SMYD3: variants seen among roughly 807,000 people sequenced by gnomAD.
SMYD3 encodes the protein SET and MYND domain containing 3, also known as histone-lysine N-methyltransferase SMYD3.
In SMYD3, 36 loss-of-function variants were observed where a neutral mutation model predicts 57.7. The observed-to-expected ratio is 0.62, with a 90% CI of 0.48 to 0.82. The LOEUF (loss-of-function observed/expected upper bound fraction) is 0.82, where lower values mean the gene tolerates loss of function less well. Ranked by LOEUF, SMYD3 falls within the 40% of genes least tolerant of loss-of-function variation. The pLI is 0.00. For synonymous variants in SMYD3, 211 were observed against 195.0 expected, an observed-to-expected ratio of 1.08 and a Z score of -0.68; for missense variants, 515 against 538.8, an observed-to-expected ratio of 0.96 and a Z score of 0.44.
At chr1:246,188,649 A>G (rs1387356902) in intron 5 of SMYD3, among the ~76,000 whole-genome samples, 1 of 151,838 alleles carries the variant, frequency 6.6e-6, no homozygotes, top group African/African-American at 2.4e-5. Flanking sequence ...TTATAGGCCT[A>G]CCCATAATAT....
intron 5 of SMYD3, among the ~76,000 whole-genome samples, chr1:246,134,034 A>G (rs1292157879): frequency 1.3e-5 from 2 of 152,144 alleles, no homozygotes; most frequent in Non-Finnish European, 2.9e-5. Context: ...TGCACAGGCT[A>G]AAGACAGCCC....
At chr1:246,345,143 T>C (rs2065692308) in intron 2 of SMYD3, among the ~76,000 whole-genome samples, 1 of 152,202 alleles carries the variant, frequency 6.6e-6, no homozygotes, top group Non-Finnish European at 1.5e-5. Flanking sequence ...ATAGGAAATT[T>C]TATGTACCCC....
At chr1:245,808,818 A>C (rs1357171568) in intron 10 of SMYD3, among the ~76,000 whole-genome samples, 1 of 152,028 alleles carries the variant, frequency 6.6e-6, no homozygotes, top group Non-Finnish European at 1.5e-5. Flanking sequence ...GCTGGAGTGC[A>C]ATGGCACGAT....
At chr1:246,000,724 A>G (rs2059023801) in intron 5 of SMYD3, among the ~76,000 whole-genome samples, 1 of 152,200 alleles carries the variant, frequency 6.6e-6, no homozygotes, top group Admixed American at 6.5e-5. Context: ...CAGAGACTAA[A>G]ATACAAGGCC....
chr1:246,153,536 T>C (rs1386302436), intron 5 of SMYD3, among the ~76,000 whole-genome samples: 2 of 152,222 alleles, frequency 1.3e-5, no homozygotes, highest in Non-Finnish European at 2.9e-5. Context: ...GGTATGATCA[T>C]AGCTCACTAC....
chr1:245,784,455 G>A (rs1406557185), intron 10 of SMYD3, among the ~76,000 whole-genome samples: 1 of 152,084 alleles, frequency 6.6e-6, no homozygotes, highest in Non-Finnish European at 1.5e-5. Flanking sequence ...TATTATATCT[G>A]GGCCTCAGCT....
At chr1:245,822,885 C>T (rs1421787482) in intron 10 of SMYD3, among the ~76,000 whole-genome samples, 1 of 152,206 alleles carries the variant, frequency 6.6e-6, no homozygotes, top group Non-Finnish European at 1.5e-5. Context: ...TCTACTAGAA[C>T]AGGGCTGCAT....
chr1:245,871,997 C>A (rs2052220365), intron 8 of SMYD3, among the ~76,000 whole-genome samples: 2 of 152,174 alleles, frequency 1.3e-5, no homozygotes, highest in African/African-American at 4.8e-5. Flanking sequence ...AAGGCTCTTC[C>A]TCAACGTAGT....
At chr1:245,891,698 G>C (rs747169958) in intron 8 of SMYD3, among the ~76,000 whole-genome samples, 2 of 151,974 alleles carry the variant, frequency 1.3e-5, no homozygotes, top group Admixed American at 6.6e-5. Context: ...TCTGGAAGGA[G>C]AGCCCAGGTT....
At chr1:246,432,014 A>C (rs1228639345) in intron 1 of SMYD3, among the ~76,000 whole-genome samples, 1 of 152,232 alleles carries the variant, frequency 6.6e-6, no homozygotes, top group Non-Finnish European at 1.5e-5. Context: ...TGGCAACTCA[A>C]TAGACATGTA....
rs142811410 is a variant in SMYD3, at chr1:246,146,021, A to G, written c.531+181180T>C. ...AGGCTCAGTCATTATTTTCTAATAT[A>G]CAGTTATTGAGTATTCACAGGCTGA... On this transcript the variant is annotated intron_variant, in intron 5 of 11. Transcript: ENST00000490107. Among the ~76,000 whole-genome samples, 2 of 152,352 alleles carry G rather than the reference A, an allele frequency of 1.3e-5. 1 individual carries two copies. Among genetic ancestry groups the G allele is most frequent in the African/African-American group, 4.8e-5 (2 of 41,586 alleles).
intron 5 of SMYD3, among the ~76,000 whole-genome samples, chr1:246,000,847 T>C (rs6673079): frequency 0.14 from 20,800 of 152,222 alleles, 1,531 homozygotes; most frequent in South Asian, 0.23. Context: ...CAGTGAGTAT[T>C]TGCTAAAGCC....
At chr1:246,166,172 T>A (rs2062206981) in intron 5 of SMYD3, among the ~76,000 whole-genome samples, 1 of 152,158 alleles carries the variant, frequency 6.6e-6, no homozygotes, top group South Asian at 2.1e-4. Context: ...AGTGTATGTG[T>A]CATGCTTCTG....
At chr1:246,250,876 A>G (rs1365791216) in intron 5 of SMYD3, among the ~76,000 whole-genome samples, 1 of 152,208 alleles carries the variant, frequency 6.6e-6, no homozygotes, top group South Asian at 2.1e-4. Context: ...AATTAAATAC[A>G]CCAGCAACAT....
At chr1:246,248,836 T>TG (rs2063754463) in intron 5 of SMYD3, among the ~76,000 whole-genome samples, 2 of 143,956 alleles carry the variant, frequency 1.4e-5, no homozygotes, top group African/African-American at 5.2e-5. Context: ...TTTTGTATTT[T>TG]TACTAGAGAT....
At chr1:246,136,827 T>G (rs1255258045) in intron 5 of SMYD3, among the ~76,000 whole-genome samples, 3 of 152,210 alleles carry the variant, frequency 2.0e-5, no homozygotes, top group Non-Finnish European at 2.9e-5. Context: ...GTAATGAGTC[T>G]GAATTCATCC....
chr1:246,354,375 A>C (rs1451239449), intron 2 of SMYD3, among the ~76,000 whole-genome samples: 1 of 152,246 alleles, frequency 6.6e-6, no homozygotes, highest in Non-Finnish European at 1.5e-5. Flanking sequence ...ATTATCTTTA[A>C]AAATTCAAAA....
intron 5 of SMYD3, among the ~76,000 whole-genome samples, chr1:246,204,977 G>T (rs937516882): frequency 6.6e-6 from 1 of 152,188 alleles, no homozygotes; most frequent in Non-Finnish European, 1.5e-5. Context: ...GTTAGCCTGA[G>T]AGCCAGACTT....
intron 5 of SMYD3, among the ~76,000 whole-genome samples, chr1:246,052,101 C>T (rs1331959806): frequency 1.3e-5 from 2 of 152,166 alleles, no homozygotes; most frequent in African/African-American, 2.4e-5. Flanking sequence ...CTGCATCATG[C>T]CTTTTAACAT....
Sources: gnomAD v4.1 joint callset for allele counts (sites outside exome capture counted in the v4.1 genomes callset) on GRCh38, gnomAD v4.1.1 for gene constraint, MANE v1.5 for transcripts, NCBI Gene and HGNC (gene_info 2026-07-23, HGNC 2026-07-21) for gene names.